The following SCUBE1 variants were observed in gnomAD, a reference collection of about 807,000 sequenced individuals.
SCUBE1 encodes signal peptide, CUB domain and EGF like domain containing 1.
In SCUBE1, 59 loss-of-function variants were observed where a neutral mutation model predicts 124.4. The observed-to-expected ratio is 0.47, with a 90% confidence interval of 0.38 to 0.59. The LOEUF is 0.59. Ranked by LOEUF, SCUBE1 falls within the 20% of genes least tolerant of loss-of-function variation. The pLI, the probability that SCUBE1 is intolerant of heterozygous loss-of-function variation, is 0.00. For missense variants in SCUBE1, 1,150 were observed against 1,371.2 expected, an observed-to-expected ratio of 0.84 and a Z score of 2.55; for synonymous variants, 545 against 550.9, an observed-to-expected ratio of 0.99 and a Z score of 0.15.
intron 9 of SCUBE1, 28 bp from the exon 10 acceptor site, chr22:43,227,524 A>G: frequency 1.9e-6 from 3 of 1,601,556 alleles, no homozygotes; most frequent in East Asian, 2.2e-5. Flanking sequence ...GTAAGGGCAG[A>G]GGGGAGGCTG....
intron 6 of SCUBE1, among the ~76,000 whole-genome samples, chr22:43,254,786 T>C (rs1023378387): frequency 4.6e-5 from 7 of 152,228 alleles, no homozygotes; most frequent in African/African-American, 1.7e-4. Context: ...AACCGACTGA[T>C]AGAGAAGAAC....
At position 43,220,478 on chromosome 22, in the gene SCUBE1, C is replaced by G; in HGVS notation, c.1659G>C (p.Glu553Asp). 2 of 1,614,126 alleles carry G rather than the reference C, an allele frequency of 1.2e-6. No homozygotes were observed. Among genetic ancestry groups the G allele is most frequent in the Non-Finnish European group, 1.7e-6 (2 of 1,180,000 alleles). Reference sequence around the variant, plus strand: ...AGGCCTCTTCCATCTTTGTCTCGATCTCAAACTCTGCTGTGATGTGGGACA... The same window carrying G: ...AGGCCTCTTCCATCTTTGTCTCGATGTCAAACTCTGCTGTGATGTGGGACA... The part of the protein sequence containing the change: ...KEVSHITAEF[E>D]IETKMEEASD... The change falls in exon 14 of 22, where the codon GAG (glutamate) becomes GAC (aspartate). Residue 553 changes from glutamate (E) to aspartate (D), a missense_variant. Coordinates refer to ENST00000360835, the MANE Select transcript of SCUBE1 (RefSeq NM_173050.5).
At chr22:43,334,858 C>T (rs1927013448) in intron 2 of SCUBE1, among the ~76,000 whole-genome samples, 1 of 152,236 alleles carries the variant, frequency 6.6e-6, no homozygotes, top group Non-Finnish European at 1.5e-5. Context: ...TAAGTACTAA[C>T]ATTATGCCTA....
At chr22:43,227,589 C>A in intron 9 of SCUBE1, 93 bp from the exon 10 acceptor site, 1 of 1,500,270 alleles carries the variant, frequency 6.7e-7, no homozygotes, top group Non-Finnish European at 9.1e-7. Flanking sequence ...GCAAGAATCT[C>A]CTGACCCCAC....
intron 15 of SCUBE1, among the ~76,000 whole-genome samples, chr22:43,217,748 C>A (rs1358311395): frequency 6.6e-6 from 1 of 152,136 alleles, no homozygotes; most frequent in Non-Finnish European, 1.5e-5. Flanking sequence ...CGTCCAGGCT[C>A]TCCCCTCCAG....
chr22:43,234,701 A>AGG lies in SCUBE1; in HGVS notation c.845-2827_845-2826insCC, dbSNP rs1430718435. 9.1e-3 allele frequency among the ~76,000 whole-genome samples: 1,388 copies of AGG among 151,866 alleles called. 16 individuals carry two copies. The highest frequency in any genetic ancestry group is 0.032 in the African/African-American group (1,333 of 41,406). On this transcript the variant is annotated intron_variant, in intron 7 of 21. Transcript: ENST00000360835. The surrounding 1 kb of genome is among the most constrained non-coding windows in gnomAD (Gnocchi z 4.4). ...CCGCTCCTTCCTGGGTTCCCACCCC[A>AGG]CCGCCCCACACCAGGCAGCCAGCAC... is the stretch of plus-strand genomic sequence containing the variant.
intron 8 of SCUBE1, among the ~76,000 whole-genome samples, chr22:43,229,752 A>G (rs4822264): frequency 0.23 from 34,342 of 152,170 alleles, 4,684 homozygotes; most frequent in Admixed American, 0.31. Flanking sequence ...AAATGTGATG[A>G]TGAGCTTCCT....
chr22:43,236,947 T>C (rs978248564), intron 7 of SCUBE1, among the ~76,000 whole-genome samples: 2 of 152,310 alleles, frequency 1.3e-5, no homozygotes, highest in South Asian at 4.1e-4. Context: ...AGTGAGATGA[T>C]CTCTGACCTT....
intron 1 of SCUBE1, among the ~76,000 whole-genome samples, chr22:43,339,782 C>T (rs1372867111): frequency 1.9e-5 from 2 of 105,138 alleles, no homozygotes; most frequent in Non-Finnish European, 4.0e-5. Flanking sequence ...TCTATCCCCC[C>T]ACAAGCATTG....
chr22:43,305,586 G>C (rs1925939495), intron 3 of SCUBE1, among the ~76,000 whole-genome samples: 1 of 152,174 alleles, frequency 6.6e-6, no homozygotes, highest in South Asian at 2.1e-4. Context: ...TTAGTTTGCT[G>C]GGAGCACAGG....
At chr22:43,208,699 G>A (rs928471021) in intron 19 of SCUBE1, among the ~76,000 whole-genome samples, 4 of 152,178 alleles carry the variant, frequency 2.6e-5, no homozygotes, top group Admixed American at 2.6e-4. Flanking sequence ...CCTTCTCCCC[G>A]AGAGCAAATA....
chr22:43,248,501 G>A (rs1923308840), intron 6 of SCUBE1, among the ~76,000 whole-genome samples: 1 of 152,234 alleles, frequency 6.6e-6, no homozygotes, highest in Non-Finnish European at 1.5e-5. Context: ...GAGACAGTGA[G>A]GGACTCAACT....
chr22:43,214,058 A>T (rs944267995), intron 16 of SCUBE1, 32 bp downstream of exon 16: 3 of 221,304 alleles, frequency 1.4e-5, no homozygotes, highest in Non-Finnish European at 2.2e-5. Context: ...CCCACCCCCC[A>T]CCCCCACCTC....
intron 4 of SCUBE1, among the ~76,000 whole-genome samples, chr22:43,273,249 G>A (rs902936252): frequency 6.6e-5 from 10 of 152,224 alleles, no homozygotes; most frequent in Admixed American, 1.3e-4. Flanking sequence ...CTCCTGGCAA[G>A]CTTCTCCGAA....
intron 20 of SCUBE1, among the ~76,000 whole-genome samples, 171 bp downstream of exon 20, chr22:43,207,901 G>A (rs774370923): frequency 1.3e-5 from 2 of 152,162 alleles, no homozygotes; most frequent in Non-Finnish European, 1.5e-5. Flanking sequence ...TGTACCACCC[G>A]GTACCACCCT....
Position 43,245,244 on chromosome 22 carries a change from G to A in SCUBE1, c.728-6290C>T, listed in dbSNP as rs539205586. ...GCACCACGAATGTGGCCTCCCTTGC[G>A]CCTCTGACAGTCAGCAGGGTGTGGT... On this transcript the variant is annotated intron_variant, in intron 6 of 21. Transcript: ENST00000360835. Among the ~76,000 whole-genome samples the A allele has an allele frequency of 5.9e-5, 9 of 152,324 alleles. No individual in the cohort carries two copies. The South Asian group carries it at 6.2e-4, about 11-fold the overall frequency.
At chr22:43,245,644 C>A (rs961663876) in intron 6 of SCUBE1, among the ~76,000 whole-genome samples, 1 of 152,166 alleles carries the variant, frequency 6.6e-6, no homozygotes, top group African/African-American at 2.4e-5. Flanking sequence ...GCCTCTGAGG[C>A]AGCCCAGGGT....
rs1923601610 is a variant in SCUBE1 at position 43,255,015 on chromosome 22, G to C, written c.727+3204C>G. Among the ~76,000 whole-genome samples the C allele has an allele frequency of 6.6e-6, 1 of 152,164 alleles. No individual in the cohort carries two copies. Among genetic ancestry groups the C allele is most frequent in the South Asian group, 2.1e-4 (1 of 4,826 alleles). On this transcript the variant is annotated intron_variant, in intron 6 of 21. Transcript: ENST00000360835. This position sits in a 1 kb window ranked among gnomAD's most constrained non-coding sequence, Gnocchi z 4.7. ...AGCTTCCCTCCCAGGAGTGGAGATG[G>C]GTAAGGACTCTCCTGCCCTGACCCG...
chr22:43,220,425 GC>G (rs756668545), intron 14 of SCUBE1, 24 bp downstream of exon 14: 148 of 1,608,940 alleles, frequency 9.2e-5, no homozygotes, highest in Non-Finnish European at 1.1e-4. Flanking sequence ...GCCTGCAGAA[GC>G]CCCCAGGAGA....
Sources: allele counts gnomAD v4.1 joint callset (sites outside exome capture counted in the v4.1 genomes callset), GRCh38; gene constraint gnomAD v4.1.1; non-coding constraint Gnocchi (gnomAD v3.1); transcripts MANE v1.5; gene names NCBI Gene and HGNC (gene_info 2026-07-23, HGNC 2026-07-21).